Variants in POLN observed in about 807,000 individuals in gnomAD.
The protein encoded by POLN is DNA polymerase nu.
Under a neutral mutation model 113.5 loss-of-function variants are expected in POLN, and 108 were observed. That is an observed-to-expected ratio of 0.95 (90% confidence interval 0.81 to 1.12). The LOEUF (loss-of-function observed/expected upper bound fraction) is 1.12. POLN is among the 50% of genes most tolerant of loss of function. The pLI is 0.00. For synonymous variants in POLN, 386 were observed against 391.5 expected (o/e 0.99, Z 0.17); for missense variants, 1,097 against 1,077.1 (o/e 1.02, Z -0.26).
intron 16 of POLN, among the ~76,000 whole-genome samples, chr4:2,144,123 T>C (rs987928670): frequency 9.2e-5 from 14 of 151,622 alleles, no homozygotes; most frequent in Non-Finnish European, 2.9e-5. Flanking sequence ...AAAATACATA[T>C]TCACTGTTAA....
At chr4:2,210,621 TAATAATAATAAA>T (rs775146092) in intron 4 of POLN, among the ~76,000 whole-genome samples, 4,227 of 130,880 alleles carry the variant, frequency 0.032, 167 homozygotes, top group African/African-American at 0.096. Flanking sequence ...ATAATAATAA[TAATAATAATAAA>T]AAAAAGAGGC....
At chr4:2,185,789 T>C (rs1274429821) in intron 7 of POLN, among the ~76,000 whole-genome samples, 2 of 152,010 alleles carry the variant, frequency 1.3e-5, no homozygotes, top group African/African-American at 2.4e-5. Flanking sequence ...TTACGGGCTT[T>C]GGGCCCCAGT....
intron 10 of POLN, 76 bp downstream of exon 10, chr4:2,174,615 T>C (rs1732948760): frequency 1.1e-5 from 13 of 1,210,252 alleles, no homozygotes; most frequent in Non-Finnish European, 1.6e-5. Flanking sequence ...AAGTAAGGTA[T>C]GGAGAAATGT....
chr4:2,183,175 G>T (rs540207685), intron 7 of POLN, among the ~76,000 whole-genome samples: 1 of 152,296 alleles, frequency 6.6e-6, no homozygotes, highest in East Asian at 1.9e-4. Context: ...GCAAGGATGT[G>T]GGGAAGTTAC....
chr4:2,177,352 T>C (rs1345747861), intron 8 of POLN: 4 of 451,416 alleles, frequency 8.9e-6, no homozygotes, highest in Non-Finnish European at 1.8e-5. Context: ...CTGAGAGTCT[T>C]ACCATATCCC....
chr4:2,080,207 T>C, intron 23 of POLN: 1 of 987,648 alleles, frequency 1.0e-6, no homozygotes, highest in African/African-American at 1.7e-5. Flanking sequence ...GGGTCACCAC[T>C]TGCAGCACCC....
At chr4:2,080,802 G>A in intron 23 of POLN, 156 bp downstream of exon 23, 1 of 1,506,486 alleles carries the variant, frequency 6.6e-7, no homozygotes, top group African/African-American at 1.4e-5. Context: ...CCTGCTGTGA[G>A]TAGCCCCCAG....
chr4:2,183,809 T>C (rs1733202902), intron 7 of POLN, among the ~76,000 whole-genome samples: 1 of 152,166 alleles, frequency 6.6e-6, no homozygotes, highest in Non-Finnish European at 1.5e-5. Flanking sequence ...GTGAATTTTA[T>C]GGTATGAAAT....
At chr4:2,226,050 G>T (rs1445634939) in intron 3 of POLN, among the ~76,000 whole-genome samples, 1 of 152,088 alleles carries the variant, frequency 6.6e-6, no homozygotes, top group Non-Finnish European at 1.5e-5. Flanking sequence ...CTCAGTAGGT[G>T]GTATAGCTGT....
intron 8 of POLN, 135 bp from the exon 9 acceptor site, chr4:2,176,469 C>T (rs6599414): frequency 0.17 from 107,821 of 642,786 alleles, 14,159 homozygotes; most frequent in African/African-American, 0.52. Context: ...ATGTCATGTA[C>T]GTGGTAGTAT....
intron 13 of POLN, among the ~76,000 whole-genome samples, chr4:2,162,712 C>T (rs1732629861): frequency 6.6e-6 from 1 of 152,076 alleles, no homozygotes; most frequent in South Asian, 2.1e-4. Flanking sequence ...CTGCCTTGGC[C>T]TCCCAAAGTG....
intron 16 of POLN, among the ~76,000 whole-genome samples, chr4:2,144,206 G>A (rs534068071): frequency 2.5e-4 from 37 of 147,110 alleles, no homozygotes; most frequent in East Asian, 5.9e-4. Context: ...GTGCAGTGGC[G>A]TGAACTCGGC....
chr4:2,180,994 A>G (rs2108751438), intron 7 of POLN, among the ~76,000 whole-genome samples: 1 of 152,314 alleles, frequency 6.6e-6, no homozygotes, highest in African/African-American at 2.4e-5. Context: ...ATACAAAGAA[A>G]TGACAGAATC....
chr4:2,241,706 C>T lies in POLN; in HGVS notation c.-199G>A. On this transcript the variant is annotated 5_prime_UTR_variant, in exon 2 of 26. Transcript: ENST00000511885. The stretch of plus-strand genomic sequence containing the variant: ...GAGGCAGCGGCAAGCCCCAGGGATC[C>T]GCGGCCCCAAGGCCGCGATACACCA... 1.0e-6 allele frequency: 1 copy of T among 985,504 alleles called. No homozygotes were observed. Among genetic ancestry groups the T allele is most frequent in the Non-Finnish European group, 1.2e-6 (1 of 829,960 alleles). 61.0% of individuals were successfully genotyped at this position (985,504 alleles called of 1,614,324 possible). A position where few individuals can be genotyped will look rare whatever the true frequency, so the allele number is the denominator to read the frequency against.
intron 19 of POLN, among the ~76,000 whole-genome samples, chr4:2,107,587 A>G (rs1156346078): frequency 2.0e-5 from 3 of 152,160 alleles, no homozygotes; most frequent in Admixed American, 1.3e-4. Context: ...TTACACCAGT[A>G]GATGTGGGAG....
chr4:2,078,307 C>T (rs543068234), intron 23 of POLN, among the ~76,000 whole-genome samples: 44 of 152,354 alleles, frequency 2.9e-4, no homozygotes, highest in African/African-American at 9.9e-4. Flanking sequence ...GGCCACCGGC[C>T]TCCTGCTCTG....
intron 16 of POLN, among the ~76,000 whole-genome samples, chr4:2,141,417 A>C (rs1458058040): frequency 6.6e-6 from 1 of 151,898 alleles, no homozygotes; most frequent in Non-Finnish European, 1.5e-5. Context: ...TGATGCTGGG[A>C]GCCTACATAC....
chr4:2,174,266 T>C (rs1165032658), intron 10 of POLN, among the ~76,000 whole-genome samples: 1 of 152,214 alleles, frequency 6.6e-6, no homozygotes, highest in Non-Finnish European at 1.5e-5. Flanking sequence ...AGCCTGGCCC[T>C]TCCCACACTG....
At chr4:2,145,273 C>A (rs4974663) in intron 16 of POLN, among the ~76,000 whole-genome samples, 4 of 151,930 alleles carry the variant, frequency 2.6e-5, no homozygotes, top group Admixed American at 2.6e-4. Context: ...AAATGAGACA[C>A]AGAGAGGTAC....
Sources: allele counts gnomAD v4.1 joint callset (sites outside exome capture counted in the v4.1 genomes callset), GRCh38; gene constraint gnomAD v4.1.1; transcripts MANE v1.5; gene names NCBI Gene and HGNC (gene_info 2026-07-23, HGNC 2026-07-21).